Variants in DGKI observed in about 807,000 individuals in gnomAD.
DGKI encodes DAG kinase iota.
In DGKI, 55 loss-of-function variants were observed where a neutral mutation model predicts 147.5. The ratio of observed to expected loss-of-function variants is 0.37; its 90% CI spans 0.30 to 0.47. DGKI has a LOEUF of 0.47. Ranked by LOEUF, DGKI falls within the 20% of genes least tolerant of loss-of-function variation. DGKI has a pLI of 1.00. For synonymous variants in DGKI, 469 were observed against 477.1 expected, an observed-to-expected ratio of 0.98 and a Z score of 0.22; for missense variants, 1,007 against 1,323.8, an observed-to-expected ratio of 0.76 and a Z score of 3.71.
At chr7:137,830,517 C>T (rs1798188118) in intron 1 of DGKI, among the ~76,000 whole-genome samples, 1 of 152,226 alleles carries the variant, frequency 6.6e-6, no homozygotes, top group Non-Finnish European at 1.5e-5. Flanking sequence ...GGTTGGACCA[C>T]ATTTTTAGTT....
At chr7:137,668,175 A>C (rs1303487741) in intron 3 of DGKI, among the ~76,000 whole-genome samples, 1 of 152,238 alleles carries the variant, frequency 6.6e-6, no homozygotes, top group Non-Finnish European at 1.5e-5. Context: ...ATGATATTTA[A>C]CGTGATTGCT....
At chr7:137,691,810 T>TG (rs1563152844) in intron 1 of DGKI, among the ~76,000 whole-genome samples, 6 of 137,138 alleles carry the variant, frequency 4.4e-5, no homozygotes, top group African/African-American at 1.3e-4. Context: ...TTTTTTTTTT[T>TG]TTTTTTTTTT....
intron 1 of DGKI, among the ~76,000 whole-genome samples, chr7:137,820,098 G>A (rs1250449413): frequency 6.6e-6 from 1 of 152,160 alleles, no homozygotes; most frequent in Non-Finnish European, 1.5e-5. Flanking sequence ...TGAGGACAGG[G>A]ACTGCATTTT....
intron 10 of DGKI, among the ~76,000 whole-genome samples, chr7:137,606,162 C>G (rs1359734785): frequency 6.6e-6 from 1 of 152,116 alleles, no homozygotes; most frequent in South Asian, 2.1e-4. Flanking sequence ...TAGAAGCAGT[C>G]CTTACACGGT....
rs112944397 is a variant in DGKI at position 137,729,367 on chromosome 7, G to A, written c.402-39365C>T. Reference sequence around the variant, plus strand: ...GGAAACCATCCCAGATGGCTCTAAGGCTCAGGTAGTCTTGTCCCACACTTC... The same window carrying A: ...GGAAACCATCCCAGATGGCTCTAAGACTCAGGTAGTCTTGTCCCACACTTC... On this transcript the variant is annotated intron_variant, in intron 1 of 32. Coordinates refer to ENST00000614521, the MANE Select transcript of DGKI (RefSeq NM_001321708.2). 3.6e-3 allele frequency among the ~76,000 whole-genome samples: 548 copies of A among 152,214 alleles called. 4 individuals carry two copies. Among genetic ancestry groups the A allele is most frequent in the African/African-American group, 0.013 (536 of 41,536 alleles).
chr7:137,729,627 C>T lies in DGKI; in HGVS notation c.402-39625G>A, dbSNP rs190669939. Reference sequence around the variant, plus strand: ...GGGAGCACAGTCCTCACTTTCATCCCTGGATCCACTATAATTTGACCTTTA... The same window carrying T: ...GGGAGCACAGTCCTCACTTTCATCCTTGGATCCACTATAATTTGACCTTTA... On this transcript the variant is annotated intron_variant, in intron 1 of 32. Coordinates refer to ENST00000614521, the MANE Select transcript of DGKI (RefSeq NM_001321708.2). Among the ~76,000 whole-genome samples the T allele has an allele frequency of 2.0e-3, 301 of 152,174 alleles. 3 individuals carry two copies. Among genetic ancestry groups the T allele is most frequent in the Non-Finnish European group, 1.8e-3 (122 of 67,978 alleles).
rs1489619926 is a variant in DGKI, at chr7:137,582,432, C to CTA, written c.1564-505_1564-504insTA. Among the ~76,000 whole-genome samples the CTA allele has an allele frequency of 4.0e-3, 595 of 150,286 alleles. 4 individuals are homozygous for CTA. The highest frequency in any genetic ancestry group is 0.014 in the African/African-American group (563 of 40,340). On this transcript the variant is annotated intron_variant, in intron 14 of 32. Transcript: ENST00000614521. ...ACCCATTTTCTCTCTCTCTCTCTCT[C>CTA]TCTATATATATATATATATACACAC...
chr7:137,446,429 T>C (rs1813717516), intron 27 of DGKI, among the ~76,000 whole-genome samples: 1 of 152,228 alleles, frequency 6.6e-6, no homozygotes, highest in Non-Finnish European at 1.5e-5. Context: ...AACAAGTTAC[T>C]GCACTGCACT....
At chr7:137,769,030 A>C (rs1380232727) in intron 1 of DGKI, among the ~76,000 whole-genome samples, 1 of 152,212 alleles carries the variant, frequency 6.6e-6, no homozygotes, top group Non-Finnish European at 1.5e-5. Context: ...AAAAAAAGTC[A>C]ATTTTGTCTT....
rs767453615 is a variant in DGKI, at chr7:137,463,644, A to G, written c.2613-33T>C. 14 of 1,601,188 alleles carry G rather than the reference A, an allele frequency of 8.7e-6. No homozygotes were observed. In the East Asian group the frequency reaches 1.8e-4, roughly 21 times the overall value. ...AAAGAAGGGCACCAGACAGTTAAAC[A>G]TTCAAAGTCAGCCACGTGACTTCGT... On this transcript the variant is annotated intron_variant, in intron 26 of 32. Coordinates refer to ENST00000614521, the MANE Select transcript of DGKI (RefSeq NM_001321708.2).
chr7:137,401,449 T>A (rs893631753), intron 30 of DGKI, among the ~76,000 whole-genome samples: 1 of 151,974 alleles, frequency 6.6e-6, no homozygotes, highest in African/African-American at 2.4e-5. Flanking sequence ...GAAGATTGCT[T>A]GAGCCCAGGA....
chr7:137,542,935 T>C (rs118136419), intron 20 of DGKI, among the ~76,000 whole-genome samples: 126 of 152,232 alleles, frequency 8.3e-4, no homozygotes, highest in Non-Finnish European at 1.5e-3. Context: ...CCACAGAGCA[T>C]TGAGTAACTG....
intron 13 of DGKI, among the ~76,000 whole-genome samples, chr7:137,586,808 G>A (rs370825426): frequency 5.3e-5 from 8 of 152,308 alleles, no homozygotes; most frequent in Admixed American, 3.3e-4. Flanking sequence ...GCAGACTTGA[G>A]GCCAAACTCA....
At chr7:137,495,949 G>A (rs1210997455) in intron 21 of DGKI, among the ~76,000 whole-genome samples, 1 of 152,152 alleles carries the variant, frequency 6.6e-6, no homozygotes, top group East Asian at 1.9e-4. Context: ...AGTACTGGAA[G>A]TTGTAGCCAC....
chr7:137,450,523 A>T (rs1388506722), intron 27 of DGKI, among the ~76,000 whole-genome samples: 2 of 152,144 alleles, frequency 1.3e-5, no homozygotes, highest in African/African-American at 2.4e-5. Context: ...GTTTGACACC[A>T]GCCTGGCCAA....
At chr7:137,517,337 A>G (rs71550671) in intron 21 of DGKI, among the ~76,000 whole-genome samples, 2,331 of 116,340 alleles carry the variant, frequency 0.02, 68 homozygotes, top group African/African-American at 0.052. Flanking sequence ...GAAAGAAAGA[A>G]AGAGAAAGAA....
intron 1 of DGKI, among the ~76,000 whole-genome samples, chr7:137,823,052 C>T (rs1797948973): frequency 1.3e-5 from 2 of 150,550 alleles, no homozygotes. Flanking sequence ...AAAATATTCT[C>T]CCCCAACCCA....
intron 21 of DGKI, among the ~76,000 whole-genome samples, chr7:137,506,528 T>C (rs1270876192): frequency 6.6e-6 from 1 of 152,192 alleles, no homozygotes; most frequent in Non-Finnish European, 1.5e-5. Context: ...TGACTGCATG[T>C]CATTACACAT....
At chr7:137,730,767 T>C (rs1166906164) in intron 1 of DGKI, among the ~76,000 whole-genome samples, 2 of 152,050 alleles carry the variant, frequency 1.3e-5, no homozygotes, top group African/African-American at 4.8e-5. Context: ...CAACCTAAAA[T>C]CACTCCCCAC....
Sources: allele counts gnomAD v4.1 joint callset (sites outside exome capture counted in the v4.1 genomes callset), GRCh38; gene constraint gnomAD v4.1.1; transcripts MANE v1.5; gene names NCBI Gene and HGNC (gene_info 2026-07-23, HGNC 2026-07-21).